BRWD3: variants seen among roughly 807,000 people sequenced by gnomAD.
BRWD3 encodes bromodomain and WD repeat domain containing 3, also known as bromodomain and WD repeat-containing protein 3.
In BRWD3, 10 loss-of-function variants were observed where a neutral mutation model predicts 149.7. That is an observed-to-expected ratio of 0.07 (90% CI 0.04 to 0.11). The LOEUF (loss-of-function observed/expected upper bound fraction) is 0.11. BRWD3 is among the 10% of genes least tolerant of loss of function. The pLI is 1.00. For synonymous variants in BRWD3, 504 were observed against 456.7 expected (o/e 1.10, Z -1.32); for missense variants, 940 against 1,373.2 (o/e 0.68, Z 4.99).
At chrX:80,772,030 C>G (rs2073949864) in intron 6 of BRWD3, among the ~76,000 whole-genome samples, 1 of 111,634 alleles carries the variant, frequency 9.0e-6, no homozygotes, top group Non-Finnish European at 1.9e-5. Context: ...GGAGTGTAAA[C>G]TAGTTCAACC....
At position 80,681,350 on chromosome X, in the gene BRWD3, C is replaced by T. The variant is rs779958182; in HGVS notation, c.4645G>A (p.Val1549Ile). Residue 1549 changes from valine (V) to isoleucine (I), a missense_variant, in exon 40 of 41, where the codon GTT becomes ATT. Coordinates refer to ENST00000373275, the MANE Select transcript of BRWD3 (RefSeq NM_153252.5). ...AKSFRNRVLPVKQDHSLDGPL... is the reference protein window; with the variant it reads ...AKSFRNRVLPIKQDHSLDGPL... ...TGTATTTATTTCCTACCTTGTTTAACTGGCAAAACTCTATTCCGAAATGAT... is the reference window on the plus strand; with the variant it reads ...TGTATTTATTTCCTACCTTGTTTAATTGGCAAAACTCTATTCCGAAATGAT... The T allele has an allele frequency of 4.1e-6, 5 of 1,207,718 alleles. No individual in the cohort carries two copies. Among genetic ancestry groups the T allele is most frequent in the East Asian group, 5.9e-5 (2 of 33,693 alleles).
At chrX:80,682,893 A>G (rs1222756505) in intron 37 of BRWD3, among the ~76,000 whole-genome samples, 1 of 112,132 alleles carries the variant, frequency 8.9e-6, no homozygotes, top group Non-Finnish European at 1.9e-5. Context: ...ATTCTAAAGG[A>G]CAATATGCAG....
chrX:80,766,723 C>T (rs745838089), intron 6 of BRWD3, among the ~76,000 whole-genome samples: 7 of 112,040 alleles, frequency 6.2e-5, no homozygotes, highest in African/African-American at 1.9e-4. Flanking sequence ...TTCTGCATTT[C>T]CAACAGAGGT....
At chrX:80,747,507 A>G (rs771088472) in intron 6 of BRWD3, among the ~76,000 whole-genome samples, 57 of 51,374 alleles carry the variant, frequency 1.1e-3, no homozygotes, top group Non-Finnish European at 1.6e-3. Flanking sequence ...ATAGAAGGGG[A>G]AAAAAAAAAC....
chrX:80,673,862 C>T lies in BRWD3; in HGVS notation c.*2747G>A, dbSNP rs1394275896. ...CTTTGTTCATTTTGTACTTGCTTTG[C>T]TATGGCTGGACCCAGATTTTACGTA... is the stretch of plus-strand genomic sequence containing the variant. On this transcript the variant is annotated 3_prime_UTR_variant, in exon 41 of 41. Coordinates refer to ENST00000373275, the MANE Select transcript of BRWD3 (RefSeq NM_153252.5). 2 of 110,852 alleles carry T rather than the reference C, an allele frequency of 1.8e-5. No homozygotes were observed. The highest frequency in any genetic ancestry group is 3.8e-5 in the Non-Finnish European group (2 of 52,891). 9.1% of individuals were successfully genotyped at this position (110,852 alleles called of 1,213,427 possible).
At position 80,670,460 on chromosome X, in the gene BRWD3, G is replaced by A. The variant is rs2072314483; in HGVS notation, c.*6149C>T. Among the ~76,000 whole-genome samples the A allele has an allele frequency of 9.0e-6, 1 of 110,646 alleles. No individual in the cohort carries two copies. Among genetic ancestry groups the A allele is most frequent in the African/African-American group, 3.3e-5 (1 of 30,380 alleles). On this transcript the variant is annotated 3_prime_UTR_variant, in exon 41 of 41. Coordinates refer to ENST00000373275, the MANE Select transcript of BRWD3 (RefSeq NM_153252.5). ...AACTTGGAAAAAAAATGGATCCCCAGGCTGGAGTGCAGTGGCATGATCACA... is the reference window on the plus strand; with the variant it reads ...AACTTGGAAAAAAAATGGATCCCCAAGCTGGAGTGCAGTGGCATGATCACA...
intron 6 of BRWD3, among the ~76,000 whole-genome samples, chrX:80,783,623 C>T (rs111755042): frequency 0.019 from 2,156 of 110,799 alleles, 57 homozygotes; most frequent in African/African-American, 0.067. Context: ...TCTGCACTCC[C>T]ATGTCTATTG....
At chrX:80,781,217 T>C (rs1283115815) in intron 6 of BRWD3, among the ~76,000 whole-genome samples, 1 of 111,335 alleles carries the variant, frequency 9.0e-6, no homozygotes, top group Non-Finnish European at 1.9e-5. Flanking sequence ...TCCCATAAAA[T>C]GGGAGGGGAC....
At chrX:80,699,328 T>A (rs2072747107) in intron 25 of BRWD3, among the ~76,000 whole-genome samples, 1 of 111,849 alleles carries the variant, frequency 8.9e-6, no homozygotes, top group Admixed American at 9.5e-5. Context: ...AATGGCCCTT[T>A]AGTCTCTTAT....
chrX:80,673,145 T>C lies in BRWD3; in HGVS notation c.*3464A>G, dbSNP rs958278693. 2.7e-5 allele frequency: 3 copies of C among 112,057 alleles called. No homozygotes were observed. The highest frequency in any genetic ancestry group is 3.8e-5 in the Non-Finnish European group (2 of 53,223). The allele number at this position is 112,057 out of a possible 1,213,427, so 9.2% of individuals were successfully genotyped here. On this transcript the variant is annotated 3_prime_UTR_variant, in exon 41 of 41. Coordinates refer to ENST00000373275, the MANE Select transcript of BRWD3 (RefSeq NM_153252.5). The stretch of plus-strand genomic sequence containing the variant: ...AACGTACTTAAAAGTATTAGAAGGC[T>C]GAGTTAAATATCTGAGCGCACAGTT...
At chrX:80,696,515 TAAATACAC>T (rs2147701055) in intron 26 of BRWD3, among the ~76,000 whole-genome samples, 1 of 58,932 alleles carries the variant, frequency 1.7e-5, no homozygotes, top group African/African-American at 6.9e-5. Context: ...ATCCATAACA[TAAATACAC>T]ACACACACAC....
Position 80,809,663 on chromosome X carries a change from C to T in BRWD3, c.-192G>A, listed in dbSNP as rs761197554. The T allele has an allele frequency of 4.8e-6, 2 of 415,231 alleles. No homozygotes were observed. Among genetic ancestry groups the T allele is most frequent in the South Asian group, 4.1e-5 (1 of 24,546 alleles). 34.2% of individuals were successfully genotyped at this position (415,231 alleles called of 1,213,427 possible). A position where few individuals can be genotyped will look rare whatever the true frequency, so the allele number is the denominator to read the frequency against. On this transcript the variant is annotated 5_prime_UTR_variant, in exon 1 of 41. Transcript: ENST00000373275. ...ACCCATAGATATTCTAGCCCAAGAG[C>T]TGAGGAGGCGGAGGAGGAAGGAGAG...
intron 6 of BRWD3, among the ~76,000 whole-genome samples, chrX:80,764,171 T>A (rs1569278465): frequency 8.9e-6 from 1 of 112,520 alleles, no homozygotes; most frequent in African/African-American, 3.2e-5. Context: ...AGTGAAAGAA[T>A]AATGAACGTT....
intron 4 of BRWD3, among the ~76,000 whole-genome samples, chrX:80,805,837 A>G (rs1481472237): frequency 9.0e-6 from 1 of 111,311 alleles, no homozygotes; most frequent in Non-Finnish European, 1.9e-5. Context: ...TGGGAGGCTG[A>G]AGCAGGAGAA....
intron 22 of BRWD3, among the ~76,000 whole-genome samples, chrX:80,706,216 C>A (rs1330383324): frequency 9.1e-6 from 1 of 110,354 alleles, no homozygotes; most frequent in East Asian, 2.9e-4. Flanking sequence ...TCAAGAAATT[C>A]TCCTGTCTCA....
At chrX:80,678,251 C>G (rs2072394787) in intron 40 of BRWD3, among the ~76,000 whole-genome samples, 1 of 111,580 alleles carries the variant, frequency 9.0e-6, no homozygotes, top group Non-Finnish European at 1.9e-5. Flanking sequence ...TCTAGAGAAA[C>G]CTTTAATTTC....
intron 24 of BRWD3, among the ~76,000 whole-genome samples, chrX:80,701,019 T>G (rs1230536105): frequency 9.0e-6 from 1 of 110,758 alleles, no homozygotes; most frequent in Admixed American, 9.7e-5. Flanking sequence ...ACACTCTAAC[T>G]ATCAAAATTC....
chrX:80,723,887 G>A lies in BRWD3; in HGVS notation c.1522-11C>T. 2 of 1,209,403 alleles carry A rather than the reference G, an allele frequency of 1.7e-6. No individual in the cohort carries two copies. Among genetic ancestry groups the A allele is most frequent in the Non-Finnish European group, 2.2e-6 (2 of 893,579 alleles). On this transcript the variant is annotated splice_polypyrimidine_tract_variant and intron_variant, in intron 15 of 40. Coordinates refer to ENST00000373275, the MANE Select transcript of BRWD3 (RefSeq NM_153252.5). Reference sequence around the variant, plus strand: ...GCCTTGGCCTTCAATCTGAAATTCAGAGGAGTCTCAAGTCATCTTAAGAGT... The same window carrying A: ...GCCTTGGCCTTCAATCTGAAATTCAAAGGAGTCTCAAGTCATCTTAAGAGT...
chrX:80,763,316 T>C (rs934446952), intron 6 of BRWD3, among the ~76,000 whole-genome samples: 2 of 111,662 alleles, frequency 1.8e-5, no homozygotes, highest in Admixed American at 1.9e-4. Flanking sequence ...ATGGCTGCTT[T>C]TATAGCAGCT....
Sources: allele counts gnomAD v4.1 joint callset (sites outside exome capture counted in the v4.1 genomes callset), GRCh38; gene constraint gnomAD v4.1.1; transcripts MANE v1.5; gene names NCBI Gene and HGNC (gene_info 2026-07-23, HGNC 2026-07-21).